The following TAFA5 variants were observed in gnomAD, a reference collection of about 807,000 sequenced individuals.
TAFA5 encodes the protein chemokine-like protein TAFA-5.
TAFA5 carries 6 observed loss-of-function variants against 15.3 expected under a neutral mutation model. The observed-to-expected ratio is 0.39, with a 90% CI of 0.21 to 0.77. The LOEUF (loss-of-function observed/expected upper bound fraction) is 0.77, where lower values mean the gene tolerates loss of function less well. TAFA5 is among the 30% of genes least tolerant of loss of function. The pLI is 0.41. For missense variants in TAFA5, 161 were observed against 193.1 expected, an observed-to-expected ratio of 0.83 and a Z score of 0.98; for synonymous variants, 103 against 80.7, an observed-to-expected ratio of 1.28 and a Z score of -1.48.
intron 1 of TAFA5, among the ~76,000 whole-genome samples, chr22:48,541,640 G>A (rs1213466952): frequency 6.6e-6 from 1 of 152,098 alleles, no homozygotes; most frequent in African/African-American, 2.4e-5. Context: ...GGGAGGCCAG[G>A]GTGGGAGGCC....
intron 2 of TAFA5, among the ~76,000 whole-genome samples, chr22:48,682,353 G>T (rs1224903589): frequency 6.6e-6 from 1 of 152,242 alleles, no homozygotes; most frequent in East Asian, 1.9e-4. Context: ...GGCTGCAGAT[G>T]AAGGGGTTGG....
chr22:48,617,108 T>TGGAACCTGC (rs973529542), intron 1 of TAFA5, among the ~76,000 whole-genome samples: 4 of 152,220 alleles, frequency 2.6e-5, no homozygotes, highest in African/African-American at 9.7e-5. Context: ...TTCTAATCCC[T>TGGAACCTGC]GGAACCTGCG....
chr22:48,716,916 T>G (rs1010430135), intron 3 of TAFA5, among the ~76,000 whole-genome samples: 2 of 152,132 alleles, frequency 1.3e-5, no homozygotes, highest in African/African-American at 4.8e-5. Flanking sequence ...AAATGGGAAC[T>G]AGGAAAGGAA....
intron 2 of TAFA5, among the ~76,000 whole-genome samples, chr22:48,664,170 A>T (rs1927537183): frequency 6.6e-6 from 1 of 152,170 alleles, no homozygotes; most frequent in South Asian, 2.1e-4. Context: ...ACAGAAATGG[A>T]TTTTGATTGA....
chr22:48,596,439 G>A (rs1182888562), intron 1 of TAFA5, among the ~76,000 whole-genome samples: 1 of 152,188 alleles, frequency 6.6e-6, no homozygotes, highest in Admixed American at 6.5e-5. Context: ...TCTGTCAAGG[G>A]GCAAGGTTGA....
intron 3 of TAFA5, among the ~76,000 whole-genome samples, chr22:48,722,023 A>C (rs1929583881): frequency 6.6e-6 from 1 of 152,208 alleles, no homozygotes; most frequent in Non-Finnish European, 1.5e-5. Context: ...TCTTTATAGT[A>C]GAATGATTTA....
At chr22:48,616,244 G>A (rs1280939781) in intron 1 of TAFA5, among the ~76,000 whole-genome samples, 1 of 152,144 alleles carries the variant, frequency 6.6e-6, no homozygotes, top group Non-Finnish European at 1.5e-5. Context: ...CTTTGAATGG[G>A]AAGGTGGAAT....
At chr22:48,597,894 G>A (rs1303196192) in intron 1 of TAFA5, among the ~76,000 whole-genome samples, 3 of 152,222 alleles carry the variant, frequency 2.0e-5, no homozygotes, top group East Asian at 1.9e-4. Context: ...TTGGACCAAC[G>A]CACGGGCCGA....
intron 1 of TAFA5, among the ~76,000 whole-genome samples, chr22:48,600,729 G>T (rs901413262): frequency 6.6e-6 from 1 of 152,206 alleles, no homozygotes; most frequent in East Asian, 1.9e-4. Flanking sequence ...GCCCTTCTGC[G>T]TAGGGTGGTG....
chr22:48,529,235 T>TTCAGGCAGGAGATGGGGGTG (rs1921882997), intron 1 of TAFA5, among the ~76,000 whole-genome samples: 1 of 105,902 alleles, frequency 9.4e-6, no homozygotes, highest in Non-Finnish European at 1.9e-5. Context: ...GATGGGGGTG[T>TTCAGGCAGGAGATGGGGGTG]TCAGGCAGGA....
At position 48,535,499 on chromosome 22, in the gene TAFA5, C is replaced by T. The variant is rs147364110; in HGVS notation, c.112+45795C>T. ...TGTGTAGGTGTGAGCACACTGCACA[C>T]GCAATGTACACGTTCACACAGGCAC... On this transcript the variant is annotated intron_variant, in intron 1 of 3. Transcript: ENST00000402357. 2.1e-4 allele frequency among the ~76,000 whole-genome samples: 32 copies of T among 152,390 alleles called. No homozygotes were observed. The East Asian group carries it at 5.2e-3, about 25-fold the overall frequency.
At position 48,558,397 on chromosome 22, in the gene TAFA5, C is replaced by A. The variant is rs541181126; in HGVS notation, c.112+68693C>A. On this transcript the variant is annotated intron_variant, in intron 1 of 3. Transcript: ENST00000402357. ...CCCTCCCTGGAACTGACATAACGCT[C>A]TTTAATGTCTGTCGCACCTCTTGGG... is the stretch of plus-strand genomic sequence containing the variant. Among the ~76,000 whole-genome samples the A allele has an allele frequency of 1.4e-4, 22 of 152,336 alleles. 1 individual carries two copies. The East Asian group carries it at 3.7e-3, about 25-fold the overall frequency.
intron 1 of TAFA5, among the ~76,000 whole-genome samples, chr22:48,643,740 G>A (rs888578188): frequency 1.6e-4 from 24 of 152,224 alleles, no homozygotes; most frequent in African/African-American, 5.8e-4. Context: ...TACTGTAGGT[G>A]GATGACTCCA....
At chr22:48,671,745 C>T (rs1235435191) in intron 2 of TAFA5, among the ~76,000 whole-genome samples, 2 of 152,206 alleles carry the variant, frequency 1.3e-5, no homozygotes, top group African/African-American at 2.4e-5. Flanking sequence ...TCTCTGAAAA[C>T]AGCTCCCTTC....
chr22:48,740,926 C>A (rs1930161829), intron 3 of TAFA5, among the ~76,000 whole-genome samples: 1 of 152,296 alleles, frequency 6.6e-6, no homozygotes, highest in South Asian at 2.1e-4. Context: ...GTGATGAGAA[C>A]ATGGCCGCAG....
At chr22:48,504,860 G>A (rs1354076671) in intron 1 of TAFA5, among the ~76,000 whole-genome samples, 1 of 152,208 alleles carries the variant, frequency 6.6e-6, no homozygotes, top group African/African-American at 2.4e-5. Context: ...GCAGGGTGGG[G>A]CAGAGGGGCT....
chr22:48,636,686 C>G (rs113767293), intron 1 of TAFA5, among the ~76,000 whole-genome samples: 2,299 of 150,008 alleles, frequency 0.015, 74 homozygotes, highest in African/African-American at 0.054. Context: ...TGTGGCAGGT[C>G]CCTGCTGCCT....
At position 48,672,875 on chromosome 22, in the gene TAFA5, T is replaced by TCAACA. The variant is rs1395650447; in HGVS notation, c.262+26131_262+26135dup. 3.9e-5 allele frequency among the ~76,000 whole-genome samples: 6 copies of TCAACA among 152,308 alleles called. No homozygotes were observed. The East Asian group carries it at 1.2e-3, about 29-fold the overall frequency. On this transcript the variant is annotated intron_variant, in intron 2 of 3. Coordinates refer to ENST00000402357, the MANE Select transcript of TAFA5 (RefSeq NM_001082967.3). Reference sequence around the variant, plus strand: ...ATTATTCTCCATTGGAAATAGAACCTCAACACCCAGACACGTGCTGGTGGT... The same window carrying TCAACA: ...ATTATTCTCCATTGGAAATAGAACCTCAACACAACACCCAGACACGTGCTGGTGGT...
At chr22:48,595,862 T>C (rs1262300848) in intron 1 of TAFA5, among the ~76,000 whole-genome samples, 1 of 152,266 alleles carries the variant, frequency 6.6e-6, no homozygotes, top group Non-Finnish European at 1.5e-5. Flanking sequence ...TCTTGTAGCC[T>C]TATTAAGTGG....
Sources: allele counts gnomAD v4.1 joint callset (sites outside exome capture counted in the v4.1 genomes callset), GRCh38; gene constraint gnomAD v4.1.1; transcripts MANE v1.5; gene names NCBI Gene and HGNC (gene_info 2026-07-23, HGNC 2026-07-21).